MEIG1: variants seen among roughly 807,000 people sequenced by gnomAD.
MEIG1 encodes meiosis/spermiogenesis associated 1.
A neutral mutation model predicts 11.3 loss-of-function variants in MEIG1; 12 were observed. The ratio of observed to expected loss-of-function variants is 1.07; its 90% CI spans 0.68 to 1.73. MEIG1 has a LOEUF of 1.73. Among genes scored for constraint, MEIG1 ranks in the 40% most tolerant of loss-of-function variants. The probability of loss-of-function intolerance (pLI) is 0.00; values close to 1 mark genes in which losing one functional copy is unlikely to be tolerated. For missense variants in MEIG1, 119 were observed against 104.9 expected (o/e 1.13, Z -0.59); for synonymous variants, 41 against 33.2 (o/e 1.24, Z -0.81).
intron 1 of MEIG1, among the ~76,000 whole-genome samples, chr10:14,983,157 A>G (rs1375557769): frequency 2.0e-5 from 3 of 152,096 alleles, no homozygotes; most frequent in African/African-American, 4.8e-5. Context: ...CAGTAGCTGT[A>G]CACCCACCCG....
chr10:14,987,539 T>C, intron 2 of MEIG1: 1 of 669,932 alleles, frequency 1.5e-6, no homozygotes, highest in Non-Finnish European at 2.8e-6. Context: ...AAGGAACATC[T>C]TTACACTTGC....
chr10:14,957,630 G>C (rs1842964195), upstream of MEIG1, among the ~76,000 whole-genome samples: 1 of 152,004 alleles, frequency 6.6e-6, no homozygotes, highest in Non-Finnish European at 1.5e-5. Flanking sequence ...ATTTGACTTA[G>C]GTTTTTTTGT....
intron 2 of MEIG1, among the ~76,000 whole-genome samples, chr10:14,967,506 T>A (rs199651579): frequency 5.4e-5 from 2 of 36,944 alleles, no homozygotes; most frequent in Non-Finnish European, 2.6e-4. Context: ...ACTAAGATAT[T>A]TTTTTTTTTT....
At chr10:14,973,501 G>T (rs1843174813), downstream of MEIG1, among the ~76,000 whole-genome samples, 1 of 152,116 alleles carries the variant, frequency 6.6e-6, no homozygotes, top group South Asian at 2.1e-4. Context: ...TGGGCACAGT[G>T]ACCCACACCT....
At chr10:14,972,030 T>C (rs1464996502) in intron 2 of MEIG1, among the ~76,000 whole-genome samples, 2 of 151,848 alleles carry the variant, frequency 1.3e-5, no homozygotes, top group African/African-American at 2.4e-5. Flanking sequence ...TTTTTTTTTT[T>C]CCGAGGCAGG....
chr10:14,980,696 G>A lies in MEIG1; in HGVS notation n.67-6100G>A, dbSNP rs371151792. On this transcript the variant is annotated intron_variant and non_coding_transcript_variant, in intron 1 of 2. Transcript: ENST00000467536. ...CTATGTCTCTGGTTGGAAACCTCTG[G>A]AGGTCTCGAGCCAACGCCTCACCGA... Among the ~76,000 whole-genome samples the A allele has an allele frequency of 2.2e-4, 33 of 152,212 alleles. No homozygotes were observed. The South Asian group carries it at 6.8e-3, about 32-fold the overall frequency.
intron 1 of MEIG1, among the ~76,000 whole-genome samples, chr10:14,980,246 A>G (rs1015721137): frequency 6.6e-6 from 1 of 152,082 alleles, no homozygotes; most frequent in African/African-American, 2.4e-5. Context: ...AATTTGTTAT[A>G]TTATTCGTAA....
rs181903592 is a variant in MEIG1 at position 14,986,727 on chromosome 10, G to A, written n.67-69G>A. 202 of 304,214 alleles carry A rather than the reference G, an allele frequency of 6.6e-4. 1 individual carries two copies. The highest frequency in any genetic ancestry group is 4.0e-3 in the African/African-American group (180 of 45,242). The allele number at this position is 304,214 out of a possible 1,614,324, so 18.8% of individuals were successfully genotyped here. A position where few individuals can be genotyped will look rare whatever the true frequency, so the allele number is the denominator to read the frequency against. ...TGAGTTCAAGCGCTTCTTGGGCCTCGGCCCTGCGAATAGCTGAGACTACAG... is the reference window on the plus strand; with the variant it reads ...TGAGTTCAAGCGCTTCTTGGGCCTCAGCCCTGCGAATAGCTGAGACTACAG... On this transcript the variant is annotated intron_variant and non_coding_transcript_variant, in intron 1 of 2. Transcript: ENST00000467536.
downstream of MEIG1, among the ~76,000 whole-genome samples, chr10:14,975,421 T>A (rs568597679): frequency 6.6e-6 from 1 of 152,112 alleles, no homozygotes; most frequent in South Asian, 2.1e-4. Flanking sequence ...GGGGTCTACA[T>A]CCAGTCTATG....
chr10:14,964,096 C>CA (rs370368866), intron 1 of MEIG1, among the ~76,000 whole-genome samples: 1,459 of 117,698 alleles, frequency 0.012, 23 homozygotes, highest in African/African-American at 0.04. Context: ...GACTCCGTCT[C>CA]AAAAAAAAAA....
At chr10:14,976,092 G>GC (rs1011345462), downstream of MEIG1, among the ~76,000 whole-genome samples, 1 of 152,092 alleles carries the variant, frequency 6.6e-6, no homozygotes, top group Non-Finnish European at 1.5e-5. Flanking sequence ...GGGGGCGTCC[G>GC]CCCCCTTGCG....
chr10:14,978,847 G>A (rs1366960934), intron 1 of MEIG1, among the ~76,000 whole-genome samples: 1 of 151,890 alleles, frequency 6.6e-6, no homozygotes, highest in Non-Finnish European at 1.5e-5. Context: ...CAGTTTCGTG[G>A]TATGTTACAA....
At chr10:14,963,705 C>T (rs1309371154) in intron 1 of MEIG1, among the ~76,000 whole-genome samples, 1 of 152,192 alleles carries the variant, frequency 6.6e-6, no homozygotes, top group Non-Finnish European at 1.5e-5. Flanking sequence ...TGGCTTACAC[C>T]TGTAATCACA....
At chr10:14,980,875 A>C (rs1263760374) in intron 1 of MEIG1, among the ~76,000 whole-genome samples, 1 of 152,168 alleles carries the variant, frequency 6.6e-6, no homozygotes, top group African/African-American at 2.4e-5. Flanking sequence ...AGGTCCAAGC[A>C]GGTGAAGCAG....
chr10:14,987,198 G>A (rs1331426861), intron 2 of MEIG1: 9 of 976,594 alleles, frequency 9.2e-6, no homozygotes, highest in African/African-American at 1.6e-5. Flanking sequence ...GTCACCTTGG[G>A]AACCGTGGCC....
At chr10:14,985,251 G>T (rs893604169) in intron 1 of MEIG1, among the ~76,000 whole-genome samples, 6 of 151,858 alleles carry the variant, frequency 4.0e-5, no homozygotes, top group African/African-American at 1.5e-4. Context: ...TTGCTACTAT[G>T]GTCACGGGGG....
intron 1 of MEIG1, among the ~76,000 whole-genome samples, chr10:14,979,383 T>G (rs1315138346): frequency 6.6e-6 from 1 of 151,860 alleles, no homozygotes; most frequent in Non-Finnish European, 1.5e-5. Flanking sequence ...AGGGGGATGT[T>G]ACTCCTAAAG....
At chr10:14,956,253 C>G (rs1322497607), upstream of MEIG1, among the ~76,000 whole-genome samples, 1 of 151,974 alleles carries the variant, frequency 6.6e-6, no homozygotes, top group Non-Finnish European at 1.5e-5. Context: ...TCTGATGGAC[C>G]CTAAAGTTTG....
At chr10:14,980,045 T>C (rs571718175) in intron 1 of MEIG1, among the ~76,000 whole-genome samples, 1 of 152,018 alleles carries the variant, frequency 6.6e-6, no homozygotes, top group Admixed American at 6.6e-5. Context: ...CGCAAATGTG[T>C]GCACGCCGTG....
Sources: gnomAD v4.1 joint callset for allele counts (sites outside exome capture counted in the v4.1 genomes callset) on GRCh38, gnomAD v4.1.1 for gene constraint, MANE v1.5 for transcripts, NCBI Gene and HGNC (gene_info 2026-07-23, HGNC 2026-07-21) for gene names.